GLIS3: variants seen among roughly 807,000 people sequenced by gnomAD.
GLIS3 encodes GLIS family zinc finger 3.
In GLIS3, 53 loss-of-function variants were observed where a neutral mutation model predicts 78.6. That is an observed-to-expected ratio of 0.67 (90% CI 0.54 to 0.85). The LOEUF is 0.85. GLIS3 is among the 40% of genes least tolerant of loss of function. GLIS3 has a pLI of 0.00. For synonymous variants in GLIS3, 684 were observed against 509.9 expected (o/e 1.34, Z -4.60); for missense variants, 1,703 against 1,231.1 (o/e 1.38, Z -5.74).
chr9:4,062,209 C>T (rs1390926291), intron 4 of GLIS3, among the ~76,000 whole-genome samples: 2 of 152,182 alleles, frequency 1.3e-5, no homozygotes, highest in East Asian at 1.9e-4. Context: ...ATACATTACC[C>T]CTGTGCCTTA....
At chr9:4,485,799 C>T in the GLIS3 span, among the ~76,000 whole-genome samples, 2 of 151,340 alleles carry the variant, frequency 1.3e-5, no homozygotes, top group Non-Finnish European at 1.5e-5. Context: ...CAGCTCACTG[C>T]GACCTCCGCC....
At chr9:4,080,415 A>C (rs1828455353) in intron 4 of GLIS3, among the ~76,000 whole-genome samples, 1 of 152,214 alleles carries the variant, frequency 6.6e-6, no homozygotes, top group South Asian at 2.1e-4. Flanking sequence ...CAGTATTTAA[A>C]ATAATCAACA....
At chr9:4,036,972 C>G (rs1164704454) in intron 4 of GLIS3, among the ~76,000 whole-genome samples, 1 of 152,148 alleles carries the variant, frequency 6.6e-6, no homozygotes, top group African/African-American at 2.4e-5. Flanking sequence ...CCCACTGCAG[C>G]TATGGCAGAA....
At chr9:4,234,883 C>T (rs1036323338) in intron 2 of GLIS3, among the ~76,000 whole-genome samples, 1 of 152,184 alleles carries the variant, frequency 6.6e-6, no homozygotes, top group East Asian at 1.9e-4. Flanking sequence ...AGTCCAAGCT[C>T]TTTGCTCCCT....
chr9:4,208,645 G>C (rs1006074229), intron 2 of GLIS3, among the ~76,000 whole-genome samples: 3 of 152,158 alleles, frequency 2.0e-5, no homozygotes, highest in African/African-American at 4.8e-5. Context: ...TGTCTGTTAG[G>C]GAATAGTATG....
chr9:4,233,806 T>C (rs1349440406), intron 2 of GLIS3, among the ~76,000 whole-genome samples: 1 of 152,230 alleles, frequency 6.6e-6, no homozygotes, highest in African/African-American at 2.4e-5. Flanking sequence ...AAGGCTGTTT[T>C]ATCTACATTG....
At chr9:4,284,874 A>G (rs1373844126) in intron 2 of GLIS3, among the ~76,000 whole-genome samples, 1 of 152,152 alleles carries the variant, frequency 6.6e-6, no homozygotes, top group Non-Finnish European at 1.5e-5. Context: ...GACCAAGATC[A>G]TGCCACTGTA....
chr9:4,451,578 A>T, the GLIS3 span, among the ~76,000 whole-genome samples: 1 of 152,180 alleles, frequency 6.6e-6, no homozygotes, highest in Non-Finnish European at 1.5e-5. Context: ...ACTTACCCCA[A>T]AATTGACCAC....
chr9:4,201,358 A>G (rs1819376659), intron 2 of GLIS3, among the ~76,000 whole-genome samples: 2 of 152,218 alleles, frequency 1.3e-5, no homozygotes, highest in Admixed American at 6.5e-5. Flanking sequence ...AGAAAGAAAA[A>G]AAGGCATCCA....
exon 4 of GLIS3, chr9:4,308,924 C>T (rs1262114229): frequency 6.6e-6 from 1 of 152,200 alleles, no homozygotes; most frequent in Non-Finnish European, 1.5e-5. Flanking sequence ...AATAGCTGAG[C>T]AACTTTAGGG....
intron 2 of GLIS3, among the ~76,000 whole-genome samples, chr9:4,255,347 G>A (rs975071693): frequency 6.6e-6 from 1 of 152,172 alleles, no homozygotes; most frequent in Non-Finnish European, 1.5e-5. Flanking sequence ...ATGTCCCAGT[G>A]ACTGTGCTCC....
At chr9:4,079,805 G>A (rs1196106812) in intron 4 of GLIS3, among the ~76,000 whole-genome samples, 1 of 147,032 alleles carries the variant, frequency 6.8e-6, no homozygotes, top group Non-Finnish European at 1.5e-5. Flanking sequence ...ATCATTCAAA[G>A]CACCCAACAC....
intron 2 of GLIS3, among the ~76,000 whole-genome samples, chr9:4,176,229 A>G (rs1816803509): frequency 6.6e-6 from 1 of 152,238 alleles, no homozygotes; most frequent in Non-Finnish European, 1.5e-5. Flanking sequence ...TTACAAAAGT[A>G]ACACACATAC....
At chr9:4,367,962 G>C in the GLIS3 span, among the ~76,000 whole-genome samples, 2 of 152,178 alleles carry the variant, frequency 1.3e-5, no homozygotes, top group African/African-American at 4.8e-5. Flanking sequence ...AAACCTATAA[G>C]AAAGAACATG....
intron 6 of GLIS3, among the ~76,000 whole-genome samples, chr9:3,907,111 CAAG>C (rs1390228279): frequency 1.3e-5 from 2 of 152,186 alleles, no homozygotes; most frequent in Non-Finnish European, 2.9e-5. Context: ...TCTCAGGGTA[CAAG>C]AAGAACTGCA....
intron 4 of GLIS3, among the ~76,000 whole-genome samples, chr9:4,054,753 T>C (rs1042575725): frequency 6.6e-6 from 1 of 152,194 alleles, no homozygotes; most frequent in Admixed American, 6.5e-5. Flanking sequence ...TTTTTTGTTA[T>C]GTTTCATTTT....
At chr9:4,208,066 A>G (rs919176853) in intron 2 of GLIS3, among the ~76,000 whole-genome samples, 3 of 152,236 alleles carry the variant, frequency 2.0e-5, no homozygotes, top group Non-Finnish European at 4.4e-5. Context: ...CTAACGTCAC[A>G]TTAACCTCTT....
intron 4 of GLIS3, among the ~76,000 whole-genome samples, chr9:3,954,755 G>T (rs1816972962): frequency 6.6e-6 from 1 of 152,216 alleles, no homozygotes; most frequent in Non-Finnish European, 1.5e-5. Context: ...GAGAAAGAAT[G>T]AATATTAGAA....
the GLIS3 span, among the ~76,000 whole-genome samples, chr9:4,385,386 A>G: frequency 0.031 from 4,690 of 152,280 alleles, 236 homozygotes; most frequent in African/African-American, 0.11. Context: ...GTTCTTGGCC[A>G]GGCACAGTGG....
Sources: allele counts gnomAD v4.1 joint callset (sites outside exome capture counted in the v4.1 genomes callset), GRCh38; gene constraint gnomAD v4.1.1; transcripts MANE v1.5; gene names NCBI Gene and HGNC (gene_info 2026-07-23, HGNC 2026-07-21).